The following CCSER1 variants were observed in gnomAD, a reference collection of about 807,000 sequenced individuals.
CCSER1 encodes coiled-coil serine rich protein 1.
Under a neutral mutation model 82.0 loss-of-function variants are expected in CCSER1, and 41 were observed. The observed-to-expected ratio is 0.50, with a 90% CI of 0.39 to 0.65. The LOEUF is 0.65. Ranked by LOEUF, CCSER1 falls within the 30% of genes least tolerant of loss-of-function variation. The probability of loss-of-function intolerance (pLI) is 0.00; values close to 1 mark genes in which losing one functional copy is unlikely to be tolerated. For synonymous variants in CCSER1, 414 were observed against 383.9 expected, an observed-to-expected ratio of 1.08 and a Z score of -0.92; for missense variants, 1,119 against 1,064.2, an observed-to-expected ratio of 1.05 and a Z score of -0.72.
intron 7 of CCSER1, among the ~76,000 whole-genome samples, chr4:90,807,750 A>G (rs1016249370): frequency 6.6e-6 from 1 of 152,164 alleles, no homozygotes; most frequent in Admixed American, 6.5e-5. Flanking sequence ...TGACATAAAA[A>G]ATGGAAATAC....
At chr4:91,436,383 A>C (rs1245496746) in intron 10 of CCSER1, among the ~76,000 whole-genome samples, 1 of 152,186 alleles carries the variant, frequency 6.6e-6, no homozygotes, top group Non-Finnish European at 1.5e-5. Context: ...CTTATGAAGA[A>C]AGGAAATAGG....
chr4:91,080,839 C>T (rs1722629305), intron 9 of CCSER1, among the ~76,000 whole-genome samples: 1 of 152,148 alleles, frequency 6.6e-6, no homozygotes, highest in Admixed American at 6.5e-5. Context: ...AATTCCTGGA[C>T]ACATACACCC....
At chr4:91,051,458 A>G (rs1743000221) in intron 9 of CCSER1, among the ~76,000 whole-genome samples, 1 of 152,170 alleles carries the variant, frequency 6.6e-6, no homozygotes, top group Non-Finnish European at 1.5e-5. Flanking sequence ...AATTTTAAAA[A>G]CCATTGTAAA....
intron 10 of CCSER1, among the ~76,000 whole-genome samples, chr4:91,285,816 G>T (rs533925129): frequency 8.5e-4 from 129 of 151,774 alleles, no homozygotes; most frequent in Non-Finnish European, 1.4e-3. Context: ...TAATTGTGGT[G>T]CTTATCAAAG....
At chr4:91,306,027 G>C (rs1398589055) in intron 10 of CCSER1, among the ~76,000 whole-genome samples, 1 of 146,882 alleles carries the variant, frequency 6.8e-6, no homozygotes, top group Non-Finnish European at 1.5e-5. Context: ...GATTTGTTTG[G>C]GTGGGGACAC....
At chr4:91,251,247 C>T (rs1040183338) in intron 10 of CCSER1, among the ~76,000 whole-genome samples, 1 of 152,120 alleles carries the variant, frequency 6.6e-6, no homozygotes, top group African/African-American at 2.4e-5. Flanking sequence ...GAGGGCCTTG[C>T]TCCTGGCTTG....
intron 10 of CCSER1, among the ~76,000 whole-genome samples, chr4:91,133,009 T>A (rs539721644): frequency 6.6e-6 from 1 of 152,226 alleles, no homozygotes; most frequent in Non-Finnish European, 1.5e-5. Context: ...TTATTTATGT[T>A]TGAAACAAAT....
chr4:91,556,077 G>A (rs1181445435), intron 10 of CCSER1, among the ~76,000 whole-genome samples: 2 of 151,232 alleles, frequency 1.3e-5, no homozygotes, highest in Non-Finnish European at 3.0e-5. Flanking sequence ...ACGTGCCTTA[G>A]CACATAACAC....
intron 9 of CCSER1, among the ~76,000 whole-genome samples, chr4:90,925,052 A>G (rs1348818482): frequency 1.3e-5 from 2 of 152,180 alleles, no homozygotes; most frequent in Non-Finnish European, 2.9e-5. Flanking sequence ...GAAAATATTT[A>G]TATGCTAGTC....
At chr4:90,505,597 C>A (rs775785730) in intron 5 of CCSER1, among the ~76,000 whole-genome samples, 1 of 152,030 alleles carries the variant, frequency 6.6e-6, no homozygotes, top group Non-Finnish European at 1.5e-5. Context: ...CTAAACAAGG[C>A]GTGGATTATT....
chr4:90,253,456 C>G (rs10004546), intron 1 of CCSER1, among the ~76,000 whole-genome samples: 99,405 of 151,990 alleles, frequency 0.65, 34,992 homozygotes, highest in African/African-American at 0.91. Flanking sequence ...AAGATTGTTT[C>G]AATATGAAAT....
chr4:90,308,627 C>G lies in CCSER1; in HGVS notation c.343C>G (p.His115Asp). Reference protein sequence around the residue: ...LEEHIKTRGRHSVGFSSSRNK... With the variant: ...LEEHIKTRGRDSVGFSSSRNK... Reference sequence around the variant, plus strand: ...AGAACATATTAAGACCAGGGGAAGACATTCTGTTGGTTTTAGTAGTTCACG... The same window carrying G: ...AGAACATATTAAGACCAGGGGAAGAGATTCTGTTGGTTTTAGTAGTTCACG... The change falls in exon 2 of 11, where the codon CAT (histidine) becomes GAT (aspartate). Residue 115 changes from histidine (H) to aspartate (D), a missense_variant. By Grantham distance (81) the His-to-Asp change is moderately conservative (BLOSUM62 -1). Coordinates refer to ENST00000509176, the MANE Select transcript of CCSER1 (RefSeq NM_001145065.2). The G allele has an allele frequency of 6.2e-7, 1 of 1,613,806 alleles. No individual in the cohort carries two copies. The highest frequency in any genetic ancestry group is 1.1e-5 in the South Asian group (1 of 91,076).
intron 5 of CCSER1, among the ~76,000 whole-genome samples, chr4:90,551,706 C>CTATATATATATATA (rs1553940962): frequency 1.2e-4 from 12 of 104,238 alleles, no homozygotes; most frequent in African/African-American, 3.2e-4. Flanking sequence ...CTCTCTCTCT[C>CTATATATATATATA]TATATATATA....
intron 5 of CCSER1, among the ~76,000 whole-genome samples, chr4:90,516,970 TGATTACA>T (rs1344388451): frequency 2.0e-5 from 3 of 152,158 alleles, no homozygotes; most frequent in Non-Finnish European, 4.4e-5. Flanking sequence ...ATGGTGGCTT[TGATTACA>T]GATGCTTCTC....
At chr4:90,865,493 C>G (rs1432640307) in intron 8 of CCSER1, among the ~76,000 whole-genome samples, 2 of 151,950 alleles carry the variant, frequency 1.3e-5, no homozygotes, top group Admixed American at 1.3e-4. Flanking sequence ...TGTCATATCT[C>G]TGATATGTGT....
chr4:90,938,052 A>G (rs1414518139), intron 9 of CCSER1, among the ~76,000 whole-genome samples: 1 of 152,110 alleles, frequency 6.6e-6, no homozygotes, highest in Non-Finnish European at 1.5e-5. Flanking sequence ...TGCAAATTAT[A>G]CTTCTTTTCA....
chr4:91,059,314 A>ATATATATACATATAGTG (rs1743741863), intron 9 of CCSER1, among the ~76,000 whole-genome samples: 2 of 143,970 alleles, frequency 1.4e-5, no homozygotes, highest in African/African-American at 2.6e-5. Flanking sequence ...ATACGTGTAT[A>ATATATATACATATAGTG]TATATATACA....
intron 7 of CCSER1, among the ~76,000 whole-genome samples, chr4:90,762,580 A>C (rs1264078571): frequency 6.6e-6 from 1 of 152,180 alleles, no homozygotes. Flanking sequence ...AGCCATAGTT[A>C]TCACTTACAA....
chr4:90,433,873 T>G (rs1432275165), intron 4 of CCSER1, among the ~76,000 whole-genome samples: 2 of 151,494 alleles, frequency 1.3e-5, no homozygotes, highest in Non-Finnish European at 2.9e-5. Flanking sequence ...CCTGGAGATA[T>G]ATATATATAT....
Sources: allele counts gnomAD v4.1 joint callset (sites outside exome capture counted in the v4.1 genomes callset), GRCh38; gene constraint gnomAD v4.1.1; transcripts MANE v1.5; gene names NCBI Gene and HGNC (gene_info 2026-07-23, HGNC 2026-07-21).